The following TSHZ2 variants were observed in gnomAD, a reference collection of about 807,000 sequenced individuals.
TSHZ2 encodes the protein teashirt zinc finger homeobox 2, also known as teashirt homolog 2.
In TSHZ2, 21 loss-of-function variants were observed where a neutral mutation model predicts 74.4. The ratio of observed to expected loss-of-function variants is 0.28; its 90% confidence interval spans 0.20 to 0.41. The LOEUF (loss-of-function observed/expected upper bound fraction) is 0.41, where lower values mean the gene tolerates loss of function less well. Ranked by LOEUF, TSHZ2 falls within the 10% of genes least tolerant of loss-of-function variation. The probability of loss-of-function intolerance (pLI) is 1.00; values close to 1 mark genes in which losing one functional copy is unlikely to be tolerated. For synonymous variants in TSHZ2, 540 were observed against 515.3 expected (o/e 1.05, Z -0.65); for missense variants, 1,244 against 1,293.5 (o/e 0.96, Z 0.59).
chr20:53,050,884 C>A (rs553785970), intron 1 of TSHZ2, among the ~76,000 whole-genome samples: 8 of 152,110 alleles, frequency 5.3e-5, no homozygotes, highest in Non-Finnish European at 7.4e-5. Context: ...GTAGAAGCCA[C>A]CTGAAGATAA....
chr20:53,274,130 T>C (rs1173966517), intron 2 of TSHZ2, among the ~76,000 whole-genome samples: 1 of 151,944 alleles, frequency 6.6e-6, no homozygotes, highest in East Asian at 1.9e-4. Flanking sequence ...ATTAGCTGGG[T>C]GTGGTGGCGC....
intron 1 of TSHZ2, among the ~76,000 whole-genome samples, chr20:53,019,460 A>G (rs1167905723): frequency 6.6e-6 from 1 of 152,118 alleles, no homozygotes; most frequent in African/African-American, 2.4e-5. Flanking sequence ...CTCTGTGGCC[A>G]AGGAGAGGAG....
intron 1 of TSHZ2, among the ~76,000 whole-genome samples, chr20:53,057,466 T>A (rs1984677529): frequency 6.6e-6 from 1 of 152,218 alleles, no homozygotes; most frequent in South Asian, 2.1e-4. Flanking sequence ...AATAAGCCTG[T>A]TAAAATGCAC....
Position 53,379,307 on chromosome 20 carries a change from G to A in TSHZ2, c.*9-107837G>A, listed in dbSNP as rs576946456. On this transcript the variant is annotated intron_variant, in intron 2 of 2. Coordinates refer to ENST00000371497, the MANE Select transcript of TSHZ2 (RefSeq NM_173485.6). The stretch of plus-strand genomic sequence containing the variant: ...TGAGGTGGGAGGATCACCTGAGCCC[G>A]GGAGGTAAAAGCTGAAATGAGCCGT... 5.9e-5 allele frequency among the ~76,000 whole-genome samples: 9 copies of A among 152,304 alleles called. 1 individual carries two copies. The South Asian group carries it at 1.7e-3, about 28-fold the overall frequency.
intron 1 of TSHZ2, among the ~76,000 whole-genome samples, chr20:53,217,013 G>T (rs560616494): frequency 2.0e-5 from 3 of 152,264 alleles, no homozygotes; most frequent in East Asian, 1.9e-4. Context: ...GAGCGGGCCC[G>T]TTTGTTATTT....
At chr20:53,414,333 G>C (rs1983160225) in intron 2 of TSHZ2, among the ~76,000 whole-genome samples, 1 of 151,762 alleles carries the variant, frequency 6.6e-6, no homozygotes, top group Non-Finnish European at 1.5e-5. Flanking sequence ...GAATAAGCCA[G>C]TACTGGCTCA....
Position 53,086,026 on chromosome 20 carries a change from T to G in TSHZ2, c.40+112693T>G, listed in dbSNP as rs143916987. On this transcript the variant is annotated intron_variant, in intron 1 of 2. Transcript: ENST00000371497. ...GCTGTTCCTCATCCTGACTTCTCCA[T>G]CTGCACCAATCTCTTTGCATGGAGG... Among the ~76,000 whole-genome samples, 3 of 152,312 alleles carry G rather than the reference T, an allele frequency of 2.0e-5. No individual in the cohort carries two copies. The East Asian group carries it at 5.8e-4, about 29-fold the overall frequency.
chr20:53,352,153 A>G (rs1236290203), intron 2 of TSHZ2, among the ~76,000 whole-genome samples: 1 of 150,044 alleles, frequency 6.7e-6, no homozygotes, highest in Non-Finnish European at 1.5e-5. Context: ...GCAAGTGTGG[A>G]GCATCCCACC....
chr20:53,097,347 G>A (rs888459578), intron 1 of TSHZ2, among the ~76,000 whole-genome samples: 2 of 152,162 alleles, frequency 1.3e-5, no homozygotes, highest in African/African-American at 4.8e-5. Context: ...TTAAGAAAAT[G>A]TTTGAGGTAT....
At chr20:53,140,395 C>T (rs1223235425) in intron 1 of TSHZ2, among the ~76,000 whole-genome samples, 3 of 151,722 alleles carry the variant, frequency 2.0e-5, no homozygotes, top group East Asian at 3.9e-4. Flanking sequence ...AAAAAATTAG[C>T]CAGGCGAGGT....
At chr20:53,057,094 C>T (rs140936823) in intron 1 of TSHZ2, among the ~76,000 whole-genome samples, 354 of 152,290 alleles carry the variant, frequency 2.3e-3, no homozygotes, top group African/African-American at 8.0e-3. Context: ...AGTTCCCCTG[C>T]ACCGCTCTCC....
At chr20:53,011,259 A>G (rs890866946) in intron 1 of TSHZ2, among the ~76,000 whole-genome samples, 2 of 152,228 alleles carry the variant, frequency 1.3e-5, no homozygotes, top group East Asian at 1.9e-4. Context: ...CAAGTCTGCC[A>G]TATCTCAAGA....
At chr20:53,073,007 A>C (rs115128314) in intron 1 of TSHZ2, among the ~76,000 whole-genome samples, 4,552 of 142,804 alleles carry the variant, frequency 0.032, 53 homozygotes, top group African/African-American at 0.076. Flanking sequence ...CCCTCCCTCC[A>C]TCCATCCCTC....
intron 1 of TSHZ2, among the ~76,000 whole-genome samples, chr20:53,163,788 A>G (rs973667): frequency 0.41 from 62,136 of 152,068 alleles, 13,957 homozygotes; most frequent in African/African-American, 0.61. Context: ...GAGATTCTGA[A>G]TCAGATTCAC....
At chr20:53,238,818 C>T (rs1463524114) in intron 1 of TSHZ2, among the ~76,000 whole-genome samples, 1 of 142,058 alleles carries the variant, frequency 7.0e-6, no homozygotes, top group Non-Finnish European at 1.5e-5. Context: ...TAAGTCAGTC[C>T]CAAGTCAATC....
At chr20:53,274,990 TGG>T (rs1990914540) in intron 2 of TSHZ2, among the ~76,000 whole-genome samples, 1 of 152,228 alleles carries the variant, frequency 6.6e-6, no homozygotes, top group African/African-American at 2.4e-5. Context: ...TGGCCCCTGC[TGG>T]AGCTCAAGCA....
chr20:53,384,871 C>T (rs1981987005), intron 2 of TSHZ2, among the ~76,000 whole-genome samples: 2 of 152,268 alleles, frequency 1.3e-5, no homozygotes, highest in African/African-American at 2.4e-5. Context: ...GCCTGTAATC[C>T]CAGCACTTTG....
intron 2 of TSHZ2, among the ~76,000 whole-genome samples, chr20:53,285,656 G>T (rs1991149906): frequency 6.6e-6 from 1 of 151,922 alleles, no homozygotes; most frequent in African/African-American, 2.4e-5. Context: ...GTTGCAGTGA[G>T]CCAAGATGGT....
At chr20:53,334,514 G>A (rs568110779) in intron 2 of TSHZ2, among the ~76,000 whole-genome samples, 22 of 152,202 alleles carry the variant, frequency 1.4e-4, no homozygotes, top group African/African-American at 3.9e-4. Flanking sequence ...AGGGCACTGC[G>A]GTCAAAGAGA....
Sources: allele counts gnomAD v4.1 joint callset (sites outside exome capture counted in the v4.1 genomes callset), GRCh38; gene constraint gnomAD v4.1.1; transcripts MANE v1.5; gene names NCBI Gene and HGNC (gene_info 2026-07-23, HGNC 2026-07-21).